SMOC2: variants seen among roughly 807,000 people sequenced by gnomAD.
SMOC2 encodes SPARC-related modular calcium-binding protein 2.
Under a neutral mutation model 61.4 loss-of-function variants are expected in SMOC2, and 39 were observed. The ratio of observed to expected loss-of-function variants is 0.64; its 90% CI spans 0.49 to 0.83. The LOEUF (loss-of-function observed/expected upper bound fraction) is 0.83, where lower values mean the gene tolerates loss of function less well. Among genes scored for constraint, SMOC2 ranks in the 40% least tolerant of loss-of-function variants. The pLI, the probability that SMOC2 is intolerant of heterozygous loss-of-function variation, is 0.00. For missense variants in SMOC2, 556 were observed against 592.9 expected (o/e 0.94, Z 0.65); for synonymous variants, 247 against 239.9 (o/e 1.03, Z -0.27).
chr6:168,492,574 C>T (rs1308457681), intron 1 of SMOC2, among the ~76,000 whole-genome samples: 4 of 152,222 alleles, frequency 2.6e-5, no homozygotes, highest in Non-Finnish European at 4.4e-5. Flanking sequence ...ACACAAGCAT[C>T]TGTTACGAAT....
intron 1 of SMOC2, among the ~76,000 whole-genome samples, chr6:168,494,001 T>C (rs1182309747): frequency 6.6e-6 from 1 of 152,206 alleles, no homozygotes; most frequent in South Asian, 2.1e-4. Context: ...TAAAATATTA[T>C]GAGTGTGGGA....
At chr6:168,485,899 A>G (rs1373369895) in intron 1 of SMOC2, among the ~76,000 whole-genome samples, 1 of 152,198 alleles carries the variant, frequency 6.6e-6, no homozygotes, top group Non-Finnish European at 1.5e-5. Flanking sequence ...CTATGACTTC[A>G]TCAAATTCAA....
intron 11 of SMOC2, among the ~76,000 whole-genome samples, chr6:168,663,260 A>C (rs1208184175): frequency 6.6e-6 from 1 of 152,222 alleles, no homozygotes; most frequent in Non-Finnish European, 1.5e-5. Context: ...AGACTTTCCC[A>C]GGAAGCTCCG....
At position 168,445,421 on chromosome 6, in the gene SMOC2, A is replaced by G. The variant is rs1336317512; in HGVS notation, c.84+3967A>G. On this transcript the variant is annotated intron_variant, in intron 1 of 12. Transcript: ENST00000356284. ...TTTGCTTTGAAAGAGAAGAAAGGTG[A>G]TAAGAAAACAATATTTAGCCATGTG... is the stretch of plus-strand genomic sequence containing the variant. 2.0e-5 allele frequency among the ~76,000 whole-genome samples: 3 copies of G among 152,226 alleles called. No homozygotes were observed. The East Asian group carries it at 5.8e-4, about 29-fold the overall frequency.
intron 8 of SMOC2, among the ~76,000 whole-genome samples, chr6:168,599,418 ACCCC>A (rs528633537): frequency 1.2e-4 from 7 of 58,044 alleles, no homozygotes; most frequent in South Asian, 5.9e-4. Flanking sequence ...ACACATTCAT[ACCCC>A]CCACACCCAC....
At chr6:168,515,499 G>A (rs540943954) in intron 2 of SMOC2, among the ~76,000 whole-genome samples, 90 of 152,332 alleles carry the variant, frequency 5.9e-4, no homozygotes, top group African/African-American at 1.9e-3. Flanking sequence ...TCCCTGCTGG[G>A]GGCTGCCTTT....
intron 8 of SMOC2, 41 bp from the exon 9 acceptor site, chr6:168,608,116 T>C (rs2115203374): frequency 1.9e-6 from 3 of 1,573,278 alleles, no homozygotes; most frequent in Non-Finnish European, 2.6e-6. Flanking sequence ...CTCAAGCCCG[T>C]TGTTTTCTCT....
At chr6:168,611,679 C>T (rs1785871036) in intron 9 of SMOC2, among the ~76,000 whole-genome samples, 1 of 147,774 alleles carries the variant, frequency 6.8e-6, no homozygotes, top group African/African-American at 2.5e-5. Context: ...CCATGTCTGG[C>T]CCTGCTCTGG....
Position 168,442,019 on chromosome 6 carries a change from G to T in SMOC2, c.84+565G>T, listed in dbSNP as rs141242891. Among the ~76,000 whole-genome samples, 759 of 152,376 alleles carry T rather than the reference G, an allele frequency of 5.0e-3. 9 individuals are homozygous for T. Among genetic ancestry groups the T allele is most frequent in the African/African-American group, 0.017 (711 of 41,598 alleles). On this transcript the variant is annotated intron_variant, in intron 1 of 12. Coordinates refer to ENST00000356284, the MANE Select transcript of SMOC2 (RefSeq NM_001166412.2). ...GCGGATCCCGGGCCTCTCGCCGGCT[G>T]AAGGGGCTGCCAGTCGTGGGCCCCA...
chr6:168,441,537 C>T (rs1781206790), intron 1 of SMOC2, 83 bp downstream of exon 1: 1 of 1,379,430 alleles, frequency 7.2e-7, no homozygotes. Context: ...CGCCCCGCTC[C>T]AGGCCCAGGC....
intron 9 of SMOC2, among the ~76,000 whole-genome samples, chr6:168,649,864 G>A (rs1474674242): frequency 6.6e-6 from 1 of 152,218 alleles, no homozygotes; most frequent in Non-Finnish European, 1.5e-5. Flanking sequence ...TGCTGCCTGT[G>A]TCCAGCTACT....
At chr6:168,563,049 G>A (rs547919233) in intron 7 of SMOC2, among the ~76,000 whole-genome samples, 1 of 152,370 alleles carries the variant, frequency 6.6e-6, no homozygotes, top group South Asian at 2.1e-4. Context: ...TTCCGTCTGC[G>A]TCGAGGAAGG....
At chr6:168,608,265 C>G in intron 9 of SMOC2, 26 bp downstream of exon 9, 1 of 1,601,926 alleles carries the variant, frequency 6.2e-7, no homozygotes, top group African/African-American at 1.3e-5. Context: ...GAGTGTGGCC[C>G]GAATCCACAG....
intron 2 of SMOC2, among the ~76,000 whole-genome samples, chr6:168,518,020 C>T (rs1342538548): frequency 6.6e-6 from 1 of 152,250 alleles, no homozygotes; most frequent in Non-Finnish European, 1.5e-5. Flanking sequence ...GAGGTTTTCC[C>T]ATCGCATGAG....
At chr6:168,654,104 T>C (rs376604176) in intron 11 of SMOC2, among the ~76,000 whole-genome samples, 208 of 73,530 alleles carry the variant, frequency 2.8e-3, no homozygotes, top group Non-Finnish European at 3.6e-3. Context: ...ACCAACCCTG[T>C]ACCTGAGCTC....
Position 168,622,723 on chromosome 6 carries a change from A to G in SMOC2, c.907+14484A>G, listed in dbSNP as rs142731871. Among the ~76,000 whole-genome samples the G allele has an allele frequency of 2.4e-3, 361 of 152,294 alleles. 1 individual carries two copies. Among genetic ancestry groups the G allele is most frequent in the African/African-American group, 7.8e-3 (326 of 41,562 alleles). On this transcript the variant is annotated intron_variant, in intron 9 of 12. Transcript: ENST00000356284. ...TTCCACCCTGAGATGCCATTTCTCTAATCCACACTTCCACAGAGAGCCTCC... is the reference window on the plus strand; with the variant it reads ...TTCCACCCTGAGATGCCATTTCTCTGATCCACACTTCCACAGAGAGCCTCC...
intron 11 of SMOC2, among the ~76,000 whole-genome samples, chr6:168,659,731 T>C (rs62423443): frequency 0.047 from 5,731 of 122,600 alleles, 14 homozygotes; most frequent in East Asian, 0.17. Context: ...AGGGTGGAGG[T>C]TGTAGGTTGG....
chr6:168,496,578 C>T (rs117205161), intron 1 of SMOC2, among the ~76,000 whole-genome samples: 6,544 of 152,272 alleles, frequency 0.043, 206 homozygotes, highest in South Asian at 0.16. Flanking sequence ...CCCCAGCCCT[C>T]GAGTTCTGTC....
intron 1 of SMOC2, among the ~76,000 whole-genome samples, chr6:168,443,558 TCTCAC>T (rs1562532592): frequency 6.6e-6 from 1 of 152,182 alleles, no homozygotes; most frequent in Non-Finnish European, 1.5e-5. Flanking sequence ...GCACACTTCT[TCTCAC>T]CCCACCCCCA....
Sources: allele counts gnomAD v4.1 joint callset (sites outside exome capture counted in the v4.1 genomes callset), GRCh38; gene constraint gnomAD v4.1.1; transcripts MANE v1.5; gene names NCBI Gene and HGNC (gene_info 2026-07-23, HGNC 2026-07-21).